Variants in DAB2 observed in about 807,000 individuals in gnomAD.
DAB2 encodes the protein disabled homolog 2.
In DAB2, 28 loss-of-function variants were observed where a neutral mutation model predicts 71.6. The observed-to-expected ratio is 0.39, with a 90% CI of 0.29 to 0.54. The LOEUF (loss-of-function observed/expected upper bound fraction) is 0.54. Ranked by LOEUF, DAB2 falls within the 20% of genes least tolerant of loss-of-function variation. DAB2 has a pLI of 0.68. For synonymous variants in DAB2, 345 were observed against 339.7 expected, an observed-to-expected ratio of 1.02 and a Z score of -0.17; for missense variants, 867 against 928.8, an observed-to-expected ratio of 0.93 and a Z score of 0.86.
At chr5:39,391,706 T>C (rs1755230905) in intron 4 of DAB2, among the ~76,000 whole-genome samples, 2 of 152,094 alleles carry the variant, frequency 1.3e-5, no homozygotes, top group African/African-American at 2.4e-5. Context: ...ACTTGATGTA[T>C]GATAAATAGC....
In DAB2 at chr5:39,377,311, C is replaced by T. The variant is rs752787418; in HGVS notation, c.1505-29G>A. 4 of 1,587,982 alleles carry T rather than the reference C, an allele frequency of 2.5e-6. No homozygotes were observed. In the African/African-American group the frequency reaches 5.4e-5, roughly 21 times the overall value. ...AAGTAAGAGGAAGAAAAATACTTAT[C>T]AGGAGTCAAGCTTGAAGAAGATTCT... is the stretch of plus-strand genomic sequence containing the variant. On this transcript the variant is annotated intron_variant, in intron 11 of 14. Coordinates refer to ENST00000320816, the MANE Select transcript of DAB2 (RefSeq NM_001343.4).
At chr5:39,390,050 C>T (rs1384715893) in intron 5 of DAB2, 118 bp from the exon 6 acceptor site, 2 of 723,642 alleles carry the variant, frequency 2.8e-6, no homozygotes, top group African/African-American at 3.7e-5. Context: ...CGCCTTACTA[C>T]CCTCTGCTGG....
At chr5:39,419,050 A>G (rs925345954) in intron 1 of DAB2, among the ~76,000 whole-genome samples, 1 of 152,200 alleles carries the variant, frequency 6.6e-6, no homozygotes, top group African/African-American at 2.4e-5. Flanking sequence ...TCAGAGTTCC[A>G]ATTATATACT....
intron 1 of DAB2, among the ~76,000 whole-genome samples, chr5:39,419,393 C>T (rs1755922781): frequency 6.6e-6 from 1 of 152,138 alleles, no homozygotes; most frequent in African/African-American, 2.4e-5. Flanking sequence ...ATAATTGAAT[C>T]CTGGCTCTAC....
rs745784896 is a variant in DAB2, at chr5:39,383,319, G to A, written c.688-48C>T. ...AAAAGAAAGTGTTAGTCCATGTTGT[G>A]ACTTCAAATGAGAAAATTACATAAG... On this transcript the variant is annotated intron_variant, in intron 9 of 14. Transcript: ENST00000320816. 7.2e-6 allele frequency: 10 copies of A among 1,380,362 alleles called. No homozygotes were observed. The South Asian group carries it at 8.3e-5, about 11-fold the overall frequency. The allele number at this position is 1,380,362 out of a possible 1,614,324, so 85.5% of individuals were successfully genotyped here.
At chr5:39,423,983 C>T (rs1210783141) in intron 1 of DAB2, 1 of 152,090 alleles carries the variant, frequency 6.6e-6, no homozygotes, top group Non-Finnish European at 1.5e-5. Context: ...AGTTGAATTT[C>T]CCTTTGGACT....
chr5:39,379,723 A>AC (rs1754915330), intron 11 of DAB2, among the ~76,000 whole-genome samples: 1 of 144,248 alleles, frequency 6.9e-6, no homozygotes, highest in South Asian at 2.2e-4. Context: ...CCCTCTCCCC[A>AC]CCCCCCCAGT....
intron 1 of DAB2, among the ~76,000 whole-genome samples, chr5:39,419,709 C>T (rs1755934829): frequency 6.6e-6 from 1 of 151,986 alleles, no homozygotes; most frequent in African/African-American, 2.4e-5. Context: ...GGGACAGTCT[C>T]CTAATAAATG....
At chr5:39,415,640 A>G (rs548525700) in intron 1 of DAB2, among the ~76,000 whole-genome samples, 32 of 152,298 alleles carry the variant, frequency 2.1e-4, no homozygotes, top group African/African-American at 7.7e-4. Flanking sequence ...TTTAAAGAGC[A>G]CTACCAAGTC....
At position 39,377,028 on chromosome 5, in the gene DAB2, T is replaced by C. The variant is rs75610108; in HGVS notation, c.1759A>G (p.Thr587Ala). 2.9e-3 allele frequency: 4,665 copies of C among 1,614,028 alleles called. 119 individuals are homozygous for C. The African/African-American group carries it at 0.056, about 19-fold the overall frequency. Reference protein sequence around the residue: ...ASVAPNAWSTTSPLGNPFQSN... With the variant: ...ASVAPNAWSTASPLGNPFQSN... ...TGAAAAGGATTCCCCAAAGGGCTTG[T>C]TGTTGACCAAGCATTGGGTGCCACA... The change falls in exon 12 of 15, where the codon ACA (threonine) becomes GCA (alanine). Residue 587 changes from threonine to alanine, a missense_variant. By Grantham distance (58) the Thr-to-Ala change is moderately conservative. Around this residue, in one of 2 missense-constraint regions of DAB2, gnomAD observed 740 missense variants for 734.3 expected, o/e 1.01. Transcript: ENST00000320816.
chr5:39,403,840 A>T (rs966576344), intron 1 of DAB2, among the ~76,000 whole-genome samples: 1 of 148,794 alleles, frequency 6.7e-6, no homozygotes, highest in Non-Finnish European at 1.5e-5. Flanking sequence ...TGTTTTTTTT[A>T]ATAACTTGTT....
chr5:39,373,781 C>T (rs1224722284), intron 14 of DAB2, among the ~76,000 whole-genome samples: 1 of 152,098 alleles, frequency 6.6e-6, no homozygotes, highest in Admixed American at 6.6e-5. Context: ...TTTACTCCTT[C>T]TATTGGTTTG....
Position 39,371,964 on chromosome 5 carries a change from CT to C in DAB2, c.*1466del, listed in dbSNP as rs897674709. 1 of 152,152 alleles carries C rather than the reference CT, an allele frequency of 6.6e-6. No individual in the cohort carries two copies. Among genetic ancestry groups the C allele is most frequent in the African/African-American group, 2.4e-5 (1 of 41,430 alleles). 9.4% of individuals were successfully genotyped at this position (152,152 alleles called of 1,614,324 possible). On this transcript the variant is annotated 3_prime_UTR_variant, in exon 15 of 15. Transcript: ENST00000320816. ...AAACATAAAACCACAGGACTTTCTA[CT>C]TGGGGCTAATCAATAGAGGGTCATG... is the stretch of plus-strand genomic sequence containing the variant.
rs1318147404 is a variant in DAB2, at chr5:39,424,824, G to A, written c.-122C>T. The A allele has an allele frequency of 6.6e-6, 1 of 152,566 alleles. No homozygotes were observed. Among genetic ancestry groups the A allele is most frequent in the African/African-American group, 2.4e-5 (1 of 41,406 alleles). 9.5% of individuals were successfully genotyped at this position (152,566 alleles called of 1,614,324 possible). A position where few individuals can be genotyped will look rare whatever the true frequency, so the allele number is the denominator to read the frequency against. Reference sequence around the variant, plus strand: ...CTCACCGGCTAGCTATTGCCTCCGTGAAGCGAGCATGACTTCCCCGCGCCC... The same window carrying A: ...CTCACCGGCTAGCTATTGCCTCCGTAAAGCGAGCATGACTTCCCCGCGCCC... On this transcript the variant is annotated 5_prime_UTR_variant, in exon 1 of 15. Coordinates refer to ENST00000320816, the MANE Select transcript of DAB2 (RefSeq NM_001343.4).
chr5:39,380,623 A>C (rs2112031689), intron 11 of DAB2, among the ~76,000 whole-genome samples: 1 of 152,306 alleles, frequency 6.6e-6, no homozygotes, highest in South Asian at 2.1e-4. Context: ...GAAAAGAACT[A>C]TAGGCTATGG....
At chr5:39,392,053 T>C (rs1755243410) in intron 4 of DAB2, among the ~76,000 whole-genome samples, 2 of 147,838 alleles carry the variant, frequency 1.4e-5, no homozygotes, top group African/African-American at 4.9e-5. Context: ...TTGTATATTA[T>C]ATAAATTATA....
At chr5:39,388,927 G>T in intron 7 of DAB2, 75 bp from the exon 8 acceptor site, 3 of 1,371,424 alleles carry the variant, frequency 2.2e-6, no homozygotes, top group Non-Finnish European at 3.1e-6. Context: ...CTATTAGTCT[G>T]CTAAGCAGCA....
chr5:39,407,002 A>G (rs1444855124), intron 1 of DAB2, among the ~76,000 whole-genome samples: 1 of 152,210 alleles, frequency 6.6e-6, no homozygotes, highest in Admixed American at 6.5e-5. Context: ...TATACAATGT[A>G]TTATGCTTGA....
rs1429574256 is a variant in DAB2, at chr5:39,373,105, G to A, written c.*326C>T. ...ATGTGGTGGCTGCATCTCCCAACCA[G>A]AGGGTAGAAGGCAGGTGTTCTAGAA... On this transcript the variant is annotated 3_prime_UTR_variant, in exon 15 of 15. Coordinates refer to ENST00000320816, the MANE Select transcript of DAB2 (RefSeq NM_001343.4). 1.3e-5 allele frequency: 2 copies of A among 152,118 alleles called. No individual in the cohort carries two copies. The highest frequency in any genetic ancestry group is 2.9e-5 in the Non-Finnish European group (2 of 68,044). The allele number at this position is 152,118 out of a possible 1,614,324, so 9.4% of individuals were successfully genotyped here. A position where few individuals can be genotyped will look rare whatever the true frequency, so the allele number is the denominator to read the frequency against.
Sources: allele counts gnomAD v4.1 joint callset (sites outside exome capture counted in the v4.1 genomes callset), GRCh38; gene constraint gnomAD v4.1.1; regional missense constraint gnomAD v4.1.1; transcripts MANE v1.5; gene names NCBI Gene and HGNC (gene_info 2026-07-23, HGNC 2026-07-21).